TBC1D5: variants seen among roughly 807,000 people sequenced by gnomAD.
TBC1D5 encodes TBC1 domain family, member 5.
TBC1D5 carries 75 observed loss-of-function variants against 100.3 expected under a neutral mutation model. The observed-to-expected ratio is 0.75, with a 90% CI of 0.62 to 0.91. The LOEUF is 0.91. Ranked by LOEUF, TBC1D5 falls within the 40% of genes least tolerant of loss-of-function variation. The probability of loss-of-function intolerance (pLI) is 0.00; values close to 1 mark genes in which losing one functional copy is unlikely to be tolerated. For synonymous variants in TBC1D5, 323 were observed against 325.6 expected (o/e 0.99, Z 0.09); for missense variants, 910 against 942.4 (o/e 0.97, Z 0.45).
At chr3:17,322,645 G>A (rs1004734138) in intron 13 of TBC1D5, among the ~76,000 whole-genome samples, 1 of 152,200 alleles carries the variant, frequency 6.6e-6, no homozygotes, top group African/African-American at 2.4e-5. Flanking sequence ...AAGTGTGCAC[G>A]ACATTGTTAC....
intron 16 of TBC1D5, among the ~76,000 whole-genome samples, chr3:17,239,827 A>G (rs1028491146): frequency 6.6e-6 from 1 of 152,208 alleles, no homozygotes; most frequent in African/African-American, 2.4e-5. Context: ...CTTGAAGACC[A>G]GTTATGATTA....
chr3:17,305,832 C>T lies in TBC1D5; in HGVS notation c.1138+2160G>A, dbSNP rs1415063638. Among the ~76,000 whole-genome samples, 4 of 152,108 alleles carry T rather than the reference C, an allele frequency of 2.6e-5. No homozygotes were observed. In the South Asian group the frequency reaches 6.2e-4, roughly 24 times the overall value. ...AGTTCTCTGATCCACTGTTTTTCTC[C>T]TGAACTACCATCACAACTGTTAACT... On this transcript the variant is annotated intron_variant, in intron 14 of 21. Coordinates refer to ENST00000253692, the Ensembl canonical transcript of TBC1D5.
intron 13 of TBC1D5, among the ~76,000 whole-genome samples, chr3:17,352,711 A>G (rs1179257095): frequency 6.6e-6 from 1 of 151,058 alleles, no homozygotes; most frequent in Non-Finnish European, 1.5e-5. Context: ...AAAAAAACCT[A>G]CTGTGCACTC....
chr3:17,702,879 T>C (rs573125485), intron 1 of TBC1D5, among the ~76,000 whole-genome samples: 7 of 152,244 alleles, frequency 4.6e-5, no homozygotes, highest in Admixed American at 3.9e-4. Context: ...TACTTAATCA[T>C]GAACAATTAA....
chr3:17,304,643 C>A (rs1575224544), intron 14 of TBC1D5, among the ~76,000 whole-genome samples: 1 of 152,160 alleles, frequency 6.6e-6, no homozygotes, highest in East Asian at 1.9e-4. Flanking sequence ...TAGGCTCAAG[C>A]AATTCTCCTG....
intron 16 of TBC1D5, among the ~76,000 whole-genome samples, chr3:17,253,316 T>C (rs563606929): frequency 9.2e-5 from 14 of 152,328 alleles, no homozygotes; most frequent in Non-Finnish European, 1.3e-4. Flanking sequence ...CTGATGGCTA[T>C]AGAAATACAA....
intron 1 of TBC1D5, among the ~76,000 whole-genome samples, chr3:17,691,520 G>A (rs751331653): frequency 5.9e-5 from 9 of 152,100 alleles, no homozygotes; most frequent in Admixed American, 1.3e-4. Flanking sequence ...AATGCTCCAC[G>A]AAAGAAAATG....
chr3:17,336,601 C>A (rs1455489982), intron 13 of TBC1D5, among the ~76,000 whole-genome samples: 1 of 151,802 alleles, frequency 6.6e-6, no homozygotes, highest in Non-Finnish European at 1.5e-5. Context: ...AGGGTGGCAC[C>A]CACGTCAAGA....
chr3:17,208,886 C>A (rs2072586385), intron 18 of TBC1D5, among the ~76,000 whole-genome samples: 1 of 152,182 alleles, frequency 6.6e-6, no homozygotes, highest in Admixed American at 6.5e-5. Flanking sequence ...ATCATCTCCT[C>A]TTCTAATTTA....
chr3:17,542,182 T>C (rs1164678996), intron 2 of TBC1D5, among the ~76,000 whole-genome samples: 1 of 152,024 alleles, frequency 6.6e-6, no homozygotes, highest in Non-Finnish European at 1.5e-5. Context: ...CTCAGCTACT[T>C]GGGAAGCTCA....
intron 1 of TBC1D5, among the ~76,000 whole-genome samples, chr3:17,713,258 T>G (rs961041939): frequency 3.3e-5 from 5 of 151,468 alleles, no homozygotes; most frequent in African/African-American, 1.2e-4. Context: ...TTTTTTTTTT[T>G]TGAGATGGAG....
chr3:17,490,264 T>C (rs530836145), intron 3 of TBC1D5, among the ~76,000 whole-genome samples: 1 of 152,160 alleles, frequency 6.6e-6, no homozygotes, highest in Non-Finnish European at 1.5e-5. Flanking sequence ...GATGGAGATA[T>C]TGCAAAAATT....
Position 17,167,976 on chromosome 3 carries a change from G to T in TBC1D5, c.1853-148C>A, listed in dbSNP as rs115981541. On this transcript the variant is annotated intron_variant, in intron 19 of 21. Coordinates refer to ENST00000253692, the Ensembl canonical transcript of TBC1D5. ...AAAGATGCTCTGCAAACTGCGGATG[G>T]GGAAGCTGCAGGGTTGAGTGGAGAG... 4.8e-4 allele frequency: 304 copies of T among 628,072 alleles called. 1 individual carries two copies. The African/African-American group carries it at 5.2e-3, about 11-fold the overall frequency. The allele number at this position is 628,072 out of a possible 1,614,324, so 38.9% of individuals were successfully genotyped here.
At chr3:17,649,856 C>T (rs545744031) in intron 1 of TBC1D5, among the ~76,000 whole-genome samples, 233 of 152,214 alleles carry the variant, frequency 1.5e-3, no homozygotes, top group African/African-American at 5.3e-3. Flanking sequence ...ATGTTTACTG[C>T]GGCACTATTC....
chr3:17,705,925 G>A, intron 1 of TBC1D5: 1 of 1,055,646 alleles, frequency 9.5e-7, no homozygotes, highest in South Asian at 1.7e-5. Flanking sequence ...GGCCCGCGGG[G>A]CCCGTCCGCT....
At chr3:17,221,208 G>A (rs1476460293) in intron 17 of TBC1D5, among the ~76,000 whole-genome samples, 2 of 152,000 alleles carry the variant, frequency 1.3e-5, no homozygotes, top group East Asian at 1.9e-4. Flanking sequence ...GTGTGATAAG[G>A]TTAAGGATGT....
At chr3:17,452,354 C>T (rs1248828151) in intron 3 of TBC1D5, among the ~76,000 whole-genome samples, 1 of 151,886 alleles carries the variant, frequency 6.6e-6, no homozygotes, top group Non-Finnish European at 1.5e-5. Context: ...AATTAAAGGG[C>T]ATAAAGACAG....
At chr3:17,404,670 G>C in intron 7 of TBC1D5, 24 bp downstream of exon 7, 11 of 1,576,420 alleles carry the variant, frequency 7.0e-6, no homozygotes, top group Non-Finnish European at 9.4e-6. Flanking sequence ...AAGAGGTTAA[G>C]ACATGAACAA....
intron 1 of TBC1D5, among the ~76,000 whole-genome samples, chr3:17,705,372 G>T (rs1488493091): frequency 2.3e-5 from 3 of 127,878 alleles, no homozygotes; most frequent in Admixed American, 7.6e-5. Flanking sequence ...CCTCCCGGAC[G>T]GGGTGGCTGC....
Sources: allele counts gnomAD v4.1 joint callset (sites outside exome capture counted in the v4.1 genomes callset), GRCh38; gene constraint gnomAD v4.1.1; transcripts MANE v1.5; gene names NCBI Gene and HGNC (gene_info 2026-07-23, HGNC 2026-07-21).